Variants in SORCS2 observed in about 807,000 individuals in gnomAD.
SORCS2 encodes the protein sortilin related VPS10 domain containing receptor 2.
A neutral mutation model predicts 141.6 loss-of-function variants in SORCS2; 100 were observed. That is an observed-to-expected ratio of 0.71 (90% CI 0.60 to 0.83). The LOEUF (loss-of-function observed/expected upper bound fraction) is 0.83, where lower values mean the gene tolerates loss of function less well. SORCS2 is among the 40% of genes least tolerant of loss of function. The probability of loss-of-function intolerance (pLI) is 0.00; values close to 1 mark genes in which losing one functional copy is unlikely to be tolerated. For missense variants in SORCS2, 1,646 were observed against 1,560.2 expected (o/e 1.05, Z -0.93); for synonymous variants, 789 against 676.9 (o/e 1.17, Z -2.57).
intron 2 of SORCS2, among the ~76,000 whole-genome samples, chr4:7,528,097 TAGC>T (rs953487192): frequency 7.2e-5 from 9 of 125,414 alleles, no homozygotes; most frequent in African/African-American, 2.8e-5. Flanking sequence ...ACCCCCATGA[TAGC>T]AGGGCACAGT....
intron 1 of SORCS2, among the ~76,000 whole-genome samples, chr4:7,298,026 G>A (rs907053358): frequency 2.6e-5 from 4 of 152,234 alleles, no homozygotes; most frequent in Non-Finnish European, 5.9e-5. Flanking sequence ...TGTTTCTAGG[G>A]CCTGAGCCAC....
At chr4:7,478,897 C>T (rs1018027609) in intron 2 of SORCS2, among the ~76,000 whole-genome samples, 2 of 152,192 alleles carry the variant, frequency 1.3e-5, no homozygotes, top group Non-Finnish European at 1.5e-5. Flanking sequence ...CAGGGGGCCT[C>T]GGCCAAGTCA....
chr4:7,726,779 G>A lies in SORCS2; in HGVS notation c.2746-1G>A, dbSNP rs1727247657. ...CCCTAAGCCCTGCTGTGCCCCTGCAGCCCCTCCTTTCCCTGGATAATTCTG... is the reference window on the plus strand; with the variant it reads ...CCCTAAGCCCTGCTGTGCCCCTGCAACCCCTCCTTTCCCTGGATAATTCTG... On this transcript the variant is annotated splice_acceptor_variant, in intron 20 of 26. Transcript: ENST00000507866. LOFTEE classifies it high-confidence loss of function. The A allele has an allele frequency of 1.9e-6, 3 of 1,613,244 alleles. No homozygotes were observed. The highest frequency in any genetic ancestry group is 2.5e-6 in the Non-Finnish European group (3 of 1,179,636).
At chr4:7,585,745 G>A (rs1202400075) in intron 3 of SORCS2, among the ~76,000 whole-genome samples, 1 of 152,196 alleles carries the variant, frequency 6.6e-6, no homozygotes, top group Non-Finnish European at 1.5e-5. Context: ...GCTGGCTAGG[G>A]TACATCTCCA....
chr4:7,326,689 A>G (rs3864203), intron 1 of SORCS2, among the ~76,000 whole-genome samples: 72,972 of 152,202 alleles, frequency 0.48, 21,586 homozygotes, highest in East Asian at 0.81. Context: ...CCGCCAGGGC[A>G]TGATGTCCTT....
intron 1 of SORCS2, among the ~76,000 whole-genome samples, chr4:7,264,871 G>A (rs1714616211): frequency 1.3e-5 from 2 of 152,236 alleles, no homozygotes; most frequent in South Asian, 4.1e-4. Flanking sequence ...GCGATGTCCA[G>A]TCCTGCCCTC....
chr4:7,284,485 G>A (rs186572790), intron 1 of SORCS2, among the ~76,000 whole-genome samples: 6 of 152,332 alleles, frequency 3.9e-5, no homozygotes, highest in Admixed American at 2.0e-4. Flanking sequence ...GGGAACCCAG[G>A]ACTTTCTCGC....
intron 3 of SORCS2, among the ~76,000 whole-genome samples, chr4:7,542,145 C>T (rs1006624121): frequency 1.1e-4 from 16 of 152,350 alleles, no homozygotes; most frequent in African/African-American, 3.8e-4. Flanking sequence ...CTCCTCCTCA[C>T]CCCTCATGGG....
chr4:7,650,620 G>C (rs1005625682), intron 4 of SORCS2, among the ~76,000 whole-genome samples: 1 of 152,156 alleles, frequency 6.6e-6, no homozygotes, highest in Non-Finnish European at 1.5e-5. Context: ...TTATAGATGG[G>C]GAAACTGAGG....
chr4:7,406,411 G>A (rs1443030206), intron 2 of SORCS2, among the ~76,000 whole-genome samples: 2 of 131,682 alleles, frequency 1.5e-5, no homozygotes, highest in African/African-American at 5.6e-5. Context: ...CTTTGATTTT[G>A]TTACTAATTG....
chr4:7,476,666 A>G (rs1240956540), intron 2 of SORCS2, among the ~76,000 whole-genome samples: 2 of 152,174 alleles, frequency 1.3e-5, no homozygotes, highest in Non-Finnish European at 2.9e-5. Context: ...GCAGTCCCCA[A>G]GTCAGCAGGG....
At chr4:7,672,660 C>T (rs945127010) in intron 8 of SORCS2, among the ~76,000 whole-genome samples, 4 of 152,114 alleles carry the variant, frequency 2.6e-5, no homozygotes, top group African/African-American at 9.7e-5. Flanking sequence ...GTCTCACTTC[C>T]TCACTCCTCA....
intron 2 of SORCS2, among the ~76,000 whole-genome samples, chr4:7,469,436 G>T (rs1044516544): frequency 1.3e-5 from 2 of 152,236 alleles, no homozygotes; most frequent in Non-Finnish European, 2.9e-5. Flanking sequence ...GCTGTGGTTG[G>T]AATGTGCGGT....
intron 1 of SORCS2, among the ~76,000 whole-genome samples, chr4:7,297,583 T>C (rs1282297718): frequency 6.6e-6 from 1 of 152,222 alleles, no homozygotes. Flanking sequence ...GCTCAGTGAC[T>C]GTAAGCTCCC....
chr4:7,666,545 A>C (rs1372823905), intron 7 of SORCS2, among the ~76,000 whole-genome samples: 3 of 152,020 alleles, frequency 2.0e-5, no homozygotes, highest in African/African-American at 7.2e-5. Flanking sequence ...CTCACCACCA[A>C]CAAGGTGGCG....
At chr4:7,565,881 G>C (rs1415489659) in intron 3 of SORCS2, among the ~76,000 whole-genome samples, 1 of 149,914 alleles carries the variant, frequency 6.7e-6, no homozygotes. Context: ...TGATGATGGA[G>C]ATGATGATGG....
intron 1 of SORCS2, among the ~76,000 whole-genome samples, chr4:7,237,306 T>G (rs761238393): frequency 9.2e-5 from 14 of 152,224 alleles, no homozygotes; most frequent in Non-Finnish European, 1.9e-4. Flanking sequence ...TCTTAACTTG[T>G]TATTTGAAGA....
chr4:7,629,527 C>T (rs1018896770), intron 3 of SORCS2, among the ~76,000 whole-genome samples: 11 of 152,036 alleles, frequency 7.2e-5, no homozygotes, highest in Admixed American at 2.6e-4. Flanking sequence ...TGAAGCCCCT[C>T]ACCCCTGGCC....
intron 1 of SORCS2, among the ~76,000 whole-genome samples, chr4:7,293,341 A>G (rs867481205): frequency 7.9e-5 from 12 of 150,992 alleles, no homozygotes; most frequent in Admixed American, 1.3e-4. Flanking sequence ...GAGATGTCCC[A>G]GCCACCACCT....
Sources: gnomAD v4.1 joint callset for allele counts (sites outside exome capture counted in the v4.1 genomes callset) on GRCh38, gnomAD v4.1.1 for gene constraint, MANE v1.5 for transcripts, NCBI Gene and HGNC (gene_info 2026-07-23, HGNC 2026-07-21) for gene names.